DPP10: variants seen among roughly 807,000 people sequenced by gnomAD.
DPP10 encodes the protein inactive dipeptidyl peptidase 10.
In DPP10, 33 loss-of-function variants were observed where a neutral mutation model predicts 120.9. That is an observed-to-expected ratio of 0.27 (90% CI 0.21 to 0.37). The LOEUF is 0.37. DPP10 is among the 10% of genes least tolerant of loss of function. DPP10 has a pLI of 1.00. For missense variants in DPP10, 816 were observed against 942.8 expected, an observed-to-expected ratio of 0.87 and a Z score of 1.76; for synonymous variants, 337 against 326.1, an observed-to-expected ratio of 1.03 and a Z score of -0.36.
chr2:114,721,334 C>A (rs1701694187), intron 1 of DPP10, among the ~76,000 whole-genome samples: 1 of 152,202 alleles, frequency 6.6e-6, no homozygotes, highest in Non-Finnish European at 1.5e-5. Context: ...TCAAAGTTGA[C>A]CGCTTCCAAA....
intron 1 of DPP10, among the ~76,000 whole-genome samples, chr2:115,148,175 A>G (rs2051335568): frequency 6.6e-6 from 1 of 152,220 alleles, no homozygotes; most frequent in South Asian, 2.1e-4. Context: ...TCTATATAAC[A>G]TAGGCTGTTT....
chr2:114,744,658 C>T (rs1480248075), intron 1 of DPP10, among the ~76,000 whole-genome samples: 1 of 152,178 alleles, frequency 6.6e-6, no homozygotes, highest in Non-Finnish European at 1.5e-5. Context: ...GAGCTATGAC[C>T]TGGTGGAATC....
chr2:114,941,454 TA>T (rs1464364687), intron 1 of DPP10, among the ~76,000 whole-genome samples: 1 of 152,200 alleles, frequency 6.6e-6, no homozygotes, highest in East Asian at 1.9e-4. Flanking sequence ...CCCAGGAAAT[TA>T]GTTATTCCTT....
intron 25 of DPP10, among the ~76,000 whole-genome samples, chr2:115,841,845 A>G (rs1449302923): frequency 6.6e-6 from 1 of 152,206 alleles, no homozygotes; most frequent in Admixed American, 6.5e-5. Flanking sequence ...TCTTTAAATA[A>G]AGAGCTGGAA....
intron 1 of DPP10, among the ~76,000 whole-genome samples, chr2:115,141,089 G>A (rs2050904276): frequency 6.6e-6 from 1 of 152,192 alleles, no homozygotes; most frequent in Non-Finnish European, 1.5e-5. Context: ...GATGTTTGGT[G>A]AAGTGGTTAA....
intron 3 of DPP10, among the ~76,000 whole-genome samples, chr2:115,443,325 A>G (rs1034154814): frequency 6.6e-6 from 1 of 152,204 alleles, no homozygotes; most frequent in Non-Finnish European, 1.5e-5. Flanking sequence ...GCCTATAATT[A>G]GCAAGTATTT....
In DPP10 at chr2:115,711,737, T is replaced by C. The variant is rs148288500; in HGVS notation, c.577-16079T>C. Among the ~76,000 whole-genome samples the C allele has an allele frequency of 2.0e-5, 3 of 152,258 alleles. No homozygotes were observed. The East Asian group carries it at 5.8e-4, about 29-fold the overall frequency. On this transcript the variant is annotated intron_variant, in intron 7 of 25. Transcript: ENST00000410059. ...TGAGTTTGTTCTTACTGCTAGACTTTGCTGACATTGAGTTGACACATATCC... is the reference window on the plus strand; with the variant it reads ...TGAGTTTGTTCTTACTGCTAGACTTCGCTGACATTGAGTTGACACATATCC...
intron 7 of DPP10, among the ~76,000 whole-genome samples, chr2:115,709,929 G>A (rs904703096): frequency 6.6e-6 from 1 of 152,018 alleles, no homozygotes; most frequent in African/African-American, 2.4e-5. Context: ...TATTCAAGGT[G>A]CTCAGTGAAC....
intron 1 of DPP10, among the ~76,000 whole-genome samples, chr2:114,991,861 A>T (rs967144872): frequency 6.6e-6 from 1 of 152,220 alleles, no homozygotes; most frequent in African/African-American, 2.4e-5. Flanking sequence ...ATATCCACAT[A>T]TGCTCATGTC....
chr2:114,585,425 C>T (rs958581893), intron 1 of DPP10, among the ~76,000 whole-genome samples: 3 of 152,178 alleles, frequency 2.0e-5, no homozygotes, highest in Non-Finnish European at 2.9e-5. Context: ...TAGTCCAGCT[C>T]CACCCAGATA....
At chr2:115,516,137 CT>C (rs1418378383) in intron 4 of DPP10, among the ~76,000 whole-genome samples, 1 of 152,084 alleles carries the variant, frequency 6.6e-6, no homozygotes, top group East Asian at 1.9e-4. Context: ...GCCTCAGCTC[CT>C]AAGCACAGTT....
Position 114,974,100 on chromosome 2 carries a change from T to A in DPP10, c.61-335139T>A, listed in dbSNP as rs955720827. On this transcript the variant is annotated intron_variant, in intron 1 of 25. Coordinates refer to ENST00000410059, the MANE Select transcript of DPP10 (RefSeq NM_020868.6). ...AAGGTAAATTTACTACCGAAATTTTTAAAAATGAATTTAATAAAGCCTAGG... is the reference window on the plus strand; with the variant it reads ...AAGGTAAATTTACTACCGAAATTTTAAAAAATGAATTTAATAAAGCCTAGG... Among the ~76,000 whole-genome samples, 13 of 152,282 alleles carry A rather than the reference T, an allele frequency of 8.5e-5. No individual in the cohort carries two copies. The Middle Eastern group carries it at 0.01, about 120-fold the overall frequency.
At chr2:115,119,107 C>A (rs551648228) in intron 1 of DPP10, among the ~76,000 whole-genome samples, 1 of 152,052 alleles carries the variant, frequency 6.6e-6, no homozygotes, top group Non-Finnish European at 1.5e-5. Flanking sequence ...TTGATTCTTC[C>A]CTTGGAGCAG....
intron 5 of DPP10, among the ~76,000 whole-genome samples, chr2:115,621,506 C>T (rs1308537303): frequency 6.6e-6 from 1 of 152,150 alleles, no homozygotes; most frequent in Admixed American, 6.6e-5. Context: ...TGCTTCTATG[C>T]AGGCCTTTCA....
chr2:114,577,999 T>C (rs1432804113), intron 1 of DPP10, among the ~76,000 whole-genome samples: 1 of 152,206 alleles, frequency 6.6e-6, no homozygotes, highest in Admixed American at 6.5e-5. Context: ...CATTCTAAGA[T>C]ACTGCAGGTT....
intron 1 of DPP10, among the ~76,000 whole-genome samples, chr2:114,446,406 T>C (rs532741726): frequency 7.2e-5 from 11 of 152,324 alleles, no homozygotes; most frequent in East Asian, 5.8e-4. Flanking sequence ...GAGTAACTTA[T>C]CTGGGGTGGT....
At chr2:114,482,523 CG>C (rs1681152521) in intron 1 of DPP10, among the ~76,000 whole-genome samples, 1 of 152,024 alleles carries the variant, frequency 6.6e-6, no homozygotes, top group Non-Finnish European at 1.5e-5. Context: ...AAAAGTCAGT[CG>C]GGTGGTTCTG....
intron 1 of DPP10, among the ~76,000 whole-genome samples, chr2:115,306,593 G>A (rs1272574851): frequency 2.0e-5 from 3 of 152,058 alleles, no homozygotes; most frequent in South Asian, 2.1e-4. Context: ...AAATGTAATG[G>A]TAATAGAATA....
intron 1 of DPP10, among the ~76,000 whole-genome samples, chr2:115,045,485 ATTTC>A (rs1371378092): frequency 6.6e-6 from 1 of 152,136 alleles, no homozygotes; most frequent in Non-Finnish European, 1.5e-5. Flanking sequence ...CTATCTTATT[ATTTC>A]TTTGAATAAA....
Sources: gnomAD v4.1 joint callset for allele counts (sites outside exome capture counted in the v4.1 genomes callset) on GRCh38, gnomAD v4.1.1 for gene constraint, MANE v1.5 for transcripts, NCBI Gene and HGNC (gene_info 2026-07-23, HGNC 2026-07-21) for gene names.